GRM8: variants seen among roughly 807,000 people sequenced by gnomAD.
GRM8 encodes metabotropic glutamate receptor 8.
A neutral mutation model predicts 87.2 loss-of-function variants in GRM8; 47 were observed. The ratio of observed to expected loss-of-function variants is 0.54; its 90% CI spans 0.43 to 0.69. The LOEUF is 0.69. Among genes scored for constraint, GRM8 ranks in the 30% least tolerant of loss-of-function variants. The pLI is 0.00. For synonymous variants in GRM8, 396 were observed against 404.5 expected (o/e 0.98, Z 0.25); for missense variants, 1,019 against 1,139.2 (o/e 0.89, Z 1.52).
At position 126,655,542 on chromosome 7, in the gene GRM8, C is replaced by T. The variant is rs150764949; in HGVS notation, c.1358-46044G>A. 3.9e-5 allele frequency among the ~76,000 whole-genome samples: 6 copies of T among 152,068 alleles called. No homozygotes were observed. The East Asian group carries it at 7.7e-4, about 20-fold the overall frequency. ...CAGTATCTTTATAGCAGTGTTAAAA[C>T]GGACTAATAAATCATCCTTCTTGGT... On this transcript the variant is annotated intron_variant, in intron 7 of 10. Coordinates refer to ENST00000339582, the MANE Select transcript of GRM8 (RefSeq NM_000845.3).
At chr7:127,168,518 T>C (rs1793587384) in intron 2 of GRM8, among the ~76,000 whole-genome samples, 1 of 152,144 alleles carries the variant, frequency 6.6e-6, no homozygotes, top group African/African-American at 2.4e-5. Context: ...ACTCAAAGGA[T>C]TATAAATCTT....
At chr7:127,093,534 T>G (rs976840406) in intron 3 of GRM8, among the ~76,000 whole-genome samples, 1 of 152,226 alleles carries the variant, frequency 6.6e-6, no homozygotes, top group East Asian at 1.9e-4. Context: ...ATGCCAGCCA[T>G]GATTCATGAT....
chr7:126,955,336 C>A (rs1044253032), intron 3 of GRM8, among the ~76,000 whole-genome samples: 12 of 152,054 alleles, frequency 7.9e-5, no homozygotes, highest in African/African-American at 2.9e-4. Flanking sequence ...CCATCAACAC[C>A]AATACAAAGG....
At chr7:126,613,539 T>C (rs1563013019) in intron 7 of GRM8, among the ~76,000 whole-genome samples, 2 of 151,830 alleles carry the variant, frequency 1.3e-5, no homozygotes, top group African/African-American at 2.4e-5. Context: ...GACAGGACAG[T>C]GGGTGCAGCC....
intron 3 of GRM8, among the ~76,000 whole-genome samples, chr7:127,026,283 A>T (rs1381978775): frequency 6.6e-6 from 1 of 152,124 alleles, no homozygotes. Context: ...AGTCTTTGCT[A>T]TTGGGAATAG....
At chr7:126,581,439 G>T (rs1443518783) in intron 8 of GRM8, among the ~76,000 whole-genome samples, 2 of 152,104 alleles carry the variant, frequency 1.3e-5, no homozygotes, top group Admixed American at 1.3e-4. Flanking sequence ...GTACAAATTT[G>T]TGAAGACCTG....
intron 3 of GRM8, among the ~76,000 whole-genome samples, chr7:126,998,633 C>G (rs1409848557): frequency 6.6e-6 from 1 of 151,088 alleles, no homozygotes; most frequent in Non-Finnish European, 1.5e-5. Flanking sequence ...ATGAAACAAT[C>G]TGAAAAAGAA....
chr7:126,617,125 C>T (rs988143765), intron 7 of GRM8, among the ~76,000 whole-genome samples: 1 of 152,186 alleles, frequency 6.6e-6, no homozygotes, highest in South Asian at 2.1e-4. Context: ...TGAAAATTCT[C>T]AATAAAATAC....
At chr7:126,836,318 C>A (rs967948033) in intron 6 of GRM8, among the ~76,000 whole-genome samples, 1 of 152,012 alleles carries the variant, frequency 6.6e-6, no homozygotes, top group African/African-American at 2.4e-5. Flanking sequence ...ATAAAGAAAA[C>A]AAAAATTTCC....
chr7:126,539,151 C>T (rs1234045078), intron 8 of GRM8, among the ~76,000 whole-genome samples: 4 of 150,774 alleles, frequency 2.7e-5, no homozygotes, highest in Non-Finnish European at 5.9e-5. Flanking sequence ...ATTTTAAAGA[C>T]AATTTAAAAT....
chr7:126,701,272 C>T (rs1347519058), intron 7 of GRM8, among the ~76,000 whole-genome samples: 2 of 152,162 alleles, frequency 1.3e-5, no homozygotes, highest in African/African-American at 4.8e-5. Context: ...TCACATCACA[C>T]AGACATCCTG....
At chr7:126,727,006 T>C (rs1318212384) in intron 7 of GRM8, among the ~76,000 whole-genome samples, 3 of 152,092 alleles carry the variant, frequency 2.0e-5, no homozygotes, top group Admixed American at 2.0e-4. Context: ...AAGTATATCA[T>C]AGTTCTCAAT....
At chr7:127,117,776 C>T (rs1826788498) in intron 2 of GRM8, among the ~76,000 whole-genome samples, 1 of 152,194 alleles carries the variant, frequency 6.6e-6, no homozygotes, top group Admixed American at 6.5e-5. Context: ...CTGCTGATTT[C>T]CTTACTGTGC....
intron 7 of GRM8, among the ~76,000 whole-genome samples, chr7:126,749,568 A>T (rs912866065): frequency 6.7e-6 from 1 of 149,948 alleles, no homozygotes; most frequent in South Asian, 2.1e-4. Flanking sequence ...TAAAATATAT[A>T]TAATCATATA....
intron 6 of GRM8, among the ~76,000 whole-genome samples, chr7:126,873,259 T>A (rs1799256524): frequency 6.6e-6 from 1 of 152,178 alleles, no homozygotes; most frequent in African/African-American, 2.4e-5. Context: ...ATTGCAATTT[T>A]TTTCTATTCC....
At chr7:126,545,797 A>G (rs543898848) in intron 8 of GRM8, among the ~76,000 whole-genome samples, 1 of 152,180 alleles carries the variant, frequency 6.6e-6, no homozygotes, top group Non-Finnish European at 1.5e-5. Flanking sequence ...CCTAATGGCA[A>G]TTCTGCAAAT....
chr7:126,766,677 A>G (rs1423464214), intron 7 of GRM8, among the ~76,000 whole-genome samples: 1 of 152,134 alleles, frequency 6.6e-6, no homozygotes, highest in Non-Finnish European at 1.5e-5. Context: ...TGTCGTGTAT[A>G]GTAAGCAGCT....
intron 7 of GRM8, among the ~76,000 whole-genome samples, chr7:126,704,653 T>A (rs999876997): frequency 1.3e-5 from 2 of 152,100 alleles, no homozygotes; most frequent in African/African-American, 4.8e-5. Context: ...GTCTCTGAAA[T>A]GGACCCTTGG....
chr7:126,762,132 T>C lies in GRM8; in HGVS notation c.1357+7733A>G, dbSNP rs1274967750. The stretch of plus-strand genomic sequence containing the variant: ...ACACAGCACTCTTGTAAAAATTAGG[T>C]ACCTTAGAAGAGAATCAATAAAATA... On this transcript the variant is annotated intron_variant, in intron 7 of 10. Transcript: ENST00000339582. Among the ~76,000 whole-genome samples, 2 of 152,128 alleles carry C rather than the reference T, an allele frequency of 1.3e-5. 1 individual carries two copies.
Sources: gnomAD v4.1 joint callset for allele counts (sites outside exome capture counted in the v4.1 genomes callset) on GRCh38, gnomAD v4.1.1 for gene constraint, MANE v1.5 for transcripts, NCBI Gene and HGNC (gene_info 2026-07-23, HGNC 2026-07-21) for gene names.